Variants in NXNL2 observed in about 807,000 individuals in gnomAD.
NXNL2 encodes the protein nucleoredoxin like 2, also known as nucleoredoxin-like protein 2.
A neutral mutation model predicts 11.1 loss-of-function variants in NXNL2; 7 were observed. The ratio of observed to expected loss-of-function variants is 0.63; its 90% CI spans 0.36 to 1.18. NXNL2 has a LOEUF of 1.18. NXNL2 is among the 50% of genes most tolerant of loss of function. The pLI is 0.02. For missense variants in NXNL2, 233 were observed against 217.7 expected, an observed-to-expected ratio of 1.07 and a Z score of -0.44; for synonymous variants, 109 against 101.8, an observed-to-expected ratio of 1.07 and a Z score of -0.42.
chr9:88,573,640 G>A (rs1348091710), intron 2 of NXNL2, among the ~76,000 whole-genome samples: 1 of 152,202 alleles, frequency 6.6e-6, no homozygotes, highest in Non-Finnish European at 1.5e-5. Context: ...ATGGTAGACT[G>A]GTGGTTGCCA....
At chr9:88,578,242 C>CGGACCCCAGGTGGGCTGCGCT (rs1449670779), downstream of NXNL2, among the ~76,000 whole-genome samples, 19 of 152,138 alleles carry the variant, frequency 1.2e-4, no homozygotes, top group African/African-American at 4.3e-4. Flanking sequence ...CGAGGGTTCC[C>CGGACCCCAGGTGGGCTGCGCT]GGACCCCAGG....
chr9:88,562,692 C>A (rs1830100838), intron 1 of NXNL2, among the ~76,000 whole-genome samples: 1 of 151,304 alleles, frequency 6.6e-6, no homozygotes, highest in African/African-American at 2.4e-5. Context: ...GTGGAGGTTG[C>A]AGTGAGCTGA....
chr9:88,565,952 A>G (rs1830164716), intron 1 of NXNL2, among the ~76,000 whole-genome samples: 1 of 152,210 alleles, frequency 6.6e-6, no homozygotes, highest in African/African-American at 2.4e-5. Context: ...AAATCTTTTC[A>G]TATACCTGTT....
In NXNL2 at chr9:88,544,753, G is replaced by T; in HGVS notation, c.*206G>T. On this transcript the variant is annotated 3_prime_UTR_variant, in exon 2 of 2. Transcript: ENST00000375854. ...GATCATGCAGGCTGTTTGTATTATAGTTATTTTTGTTATTCTTTGCATACC... is the reference window on the plus strand; with the variant it reads ...GATCATGCAGGCTGTTTGTATTATATTTATTTTTGTTATTCTTTGCATACC... 2 of 1,323,052 alleles carry T rather than the reference G, an allele frequency of 1.5e-6. No individual in the cohort carries two copies. The highest frequency in any genetic ancestry group is 1.9e-6 in the Non-Finnish European group (2 of 1,041,728). The allele number at this position is 1,323,052 out of a possible 1,614,324, so 82.0% of individuals were successfully genotyped here.
downstream of NXNL2, among the ~76,000 whole-genome samples, chr9:88,546,215 G>A (rs1829844054): frequency 6.6e-6 from 1 of 150,860 alleles, no homozygotes. Flanking sequence ...GTAGAGAAAC[G>A]GCCCTCCTGG....
At chr9:88,546,864 G>A (rs1829852760), downstream of NXNL2, among the ~76,000 whole-genome samples, 1 of 152,188 alleles carries the variant, frequency 6.6e-6, no homozygotes, top group South Asian at 2.1e-4. Flanking sequence ...CGTGCTCACT[G>A]TGGACGAACA....
chr9:88,579,345 G>A (rs894102672), downstream of NXNL2, among the ~76,000 whole-genome samples: 2 of 152,178 alleles, frequency 1.3e-5, no homozygotes, highest in Admixed American at 6.5e-5. Flanking sequence ...CAGGACCCAC[G>A]GGGTGGAGTC....
At chr9:88,552,942 G>A (rs1290065990) in intron 1 of NXNL2, among the ~76,000 whole-genome samples, 4 of 152,092 alleles carry the variant, frequency 2.6e-5, no homozygotes, top group Admixed American at 2.6e-4. Context: ...AATTGCCCAC[G>A]ACTAAGACCT....
At chr9:88,573,905 A>G (rs141957769) in intron 2 of NXNL2, among the ~76,000 whole-genome samples, 120 of 152,346 alleles carry the variant, frequency 7.9e-4, no homozygotes, top group Non-Finnish European at 1.4e-3. Flanking sequence ...ATGAATGCAA[A>G]TCAAAGGCAC....
chr9:88,554,771 C>T (rs1829988423), intron 1 of NXNL2, among the ~76,000 whole-genome samples: 1 of 152,166 alleles, frequency 6.6e-6, no homozygotes, highest in Non-Finnish European at 1.5e-5. Flanking sequence ...CTGAATGAGG[C>T]TCCTCTTTTT....
Position 88,575,124 on chromosome 9 carries a change from A to C in NXNL2, c.*54A>C, listed in dbSNP as rs1162535918. 3 of 984,932 alleles carry C rather than the reference A, an allele frequency of 3.0e-6. No individual in the cohort carries two copies. In the African/African-American group the frequency reaches 5.2e-5, roughly 17 times the overall value. The allele number at this position is 984,932 out of a possible 1,614,324, so 61.0% of individuals were successfully genotyped here. A position where few individuals can be genotyped will look rare whatever the true frequency, so the allele number is the denominator to read the frequency against. On this transcript the variant is annotated 3_prime_UTR_variant, in exon 3 of 3. Coordinates refer to the NXNL2 transcript ENST00000375855. ...ATTACGTGAGGGAAAGATATTGAAGAGGAGTTGGACACTCCGAGAGTGCAG... is the reference window on the plus strand; with the variant it reads ...ATTACGTGAGGGAAAGATATTGAAGCGGAGTTGGACACTCCGAGAGTGCAG...
intron 1 of NXNL2, among the ~76,000 whole-genome samples, chr9:88,556,116 A>G (rs903445343): frequency 2.0e-5 from 3 of 152,170 alleles, no homozygotes; most frequent in African/African-American, 7.2e-5. Context: ...TGGCTCAGGG[A>G]GTCCCGAGGT....
intron 1 of NXNL2, among the ~76,000 whole-genome samples, chr9:88,570,384 C>T (rs1830243325): frequency 6.6e-6 from 1 of 152,202 alleles, no homozygotes; most frequent in Non-Finnish European, 1.5e-5. Context: ...TCCCAAAGTG[C>T]TGGGATTACA....
intron 1 of NXNL2, among the ~76,000 whole-genome samples, chr9:88,559,967 C>T (rs906975558): frequency 5.9e-5 from 9 of 151,890 alleles, no homozygotes; most frequent in Non-Finnish European, 1.2e-4. Context: ...AAAACCTTTT[C>T]GGGTTAACCT....
At chr9:88,535,955 A>G (rs1829608502) in intron 1 of NXNL2, among the ~76,000 whole-genome samples, 1 of 152,102 alleles carries the variant, frequency 6.6e-6, no homozygotes. Context: ...AACCCAGGGC[A>G]TCGGCACCCC....
chr9:88,574,523 A>G (rs1830320144), intron 2 of NXNL2, among the ~76,000 whole-genome samples: 1 of 152,202 alleles, frequency 6.6e-6, no homozygotes, highest in South Asian at 2.1e-4. Context: ...TAGATAAGAG[A>G]CAAATGATTG....
rs190914177 is a variant in NXNL2 at position 88,568,817 on chromosome 9, C to T, written c.303-2270C>T. Among the ~76,000 whole-genome samples the T allele has an allele frequency of 8.5e-4, 129 of 152,216 alleles. 3 individuals carry two copies. The highest frequency in any genetic ancestry group is 1.5e-4 in the Non-Finnish European group (10 of 68,010). On this transcript the variant is annotated intron_variant, in intron 1 of 2. Transcript: ENST00000375855. ...TTTACATGAATCCACATTTATTTCA[C>T]GTTCATTTATAATATGGTTTGATGA...
intron 1 of NXNL2, among the ~76,000 whole-genome samples, chr9:88,557,080 CAAAAAAAAAAAAA>C (rs150400954): frequency 3.6e-5 from 2 of 55,608 alleles, no homozygotes; most frequent in Admixed American, 2.0e-4. Flanking sequence ...GACTCCATCT[CAAAAAAAAAAAAA>C]AAAAAAAAAA....
chr9:88,536,926 G>A (rs1829633789), intron 1 of NXNL2, among the ~76,000 whole-genome samples: 1 of 152,200 alleles, frequency 6.6e-6, no homozygotes, highest in East Asian at 1.9e-4. Context: ...TACAGAATCA[G>A]TTCAAGTGGT....
Sources: gnomAD v4.1 joint callset for allele counts (sites outside exome capture counted in the v4.1 genomes callset) on GRCh38, gnomAD v4.1.1 for gene constraint, MANE v1.5 for transcripts, NCBI Gene and HGNC (gene_info 2026-07-23, HGNC 2026-07-21) for gene names.